The following NLGN1 variants were observed in gnomAD, a reference collection of about 807,000 sequenced individuals.
NLGN1 encodes the protein neuroligin-1.
A neutral mutation model predicts 65.5 loss-of-function variants in NLGN1; 12 were observed. The observed-to-expected ratio is 0.18, with a 90% confidence interval of 0.12 to 0.30. The LOEUF (loss-of-function observed/expected upper bound fraction) is 0.30. NLGN1 is among the 10% of genes least tolerant of loss of function. The probability of loss-of-function intolerance (pLI) is 1.00; values close to 1 mark genes in which losing one functional copy is unlikely to be tolerated. For synonymous variants in NLGN1, 350 were observed against 359.5 expected (o/e 0.97, Z 0.30); for missense variants, 750 against 1,007.1 (o/e 0.74, Z 3.46).
At chr3:173,445,233 A>C (rs1450768861) in intron 2 of NLGN1, among the ~76,000 whole-genome samples, 1 of 136,586 alleles carries the variant, frequency 7.3e-6, no homozygotes, top group Non-Finnish European at 1.5e-5. Flanking sequence ...CCGCCACTGC[A>C]CTCCAGCCTG....
intron 4 of NLGN1, among the ~76,000 whole-genome samples, chr3:174,149,828 T>A (rs1009987505): frequency 6.6e-6 from 1 of 152,070 alleles, no homozygotes; most frequent in Non-Finnish European, 1.5e-5. Context: ...GGTATTAAAT[T>A]GGTTTGAGAG....
intron 2 of NLGN1, among the ~76,000 whole-genome samples, chr3:173,486,698 T>A (rs1728224559): frequency 6.6e-6 from 1 of 152,174 alleles, no homozygotes. Flanking sequence ...GATTTGTTCT[T>A]TACTATTTTA....
At chr3:174,203,719 C>T (rs1043135050) in intron 4 of NLGN1, among the ~76,000 whole-genome samples, 1 of 152,150 alleles carries the variant, frequency 6.6e-6, no homozygotes, top group Non-Finnish European at 1.5e-5. Context: ...GTAATTGTAG[C>T]TCATAAAGCA....
chr3:174,039,061 G>A lies in NLGN1; in HGVS notation c.646+231229G>A, dbSNP rs951581404. 5.3e-5 allele frequency among the ~76,000 whole-genome samples: 8 copies of A among 152,040 alleles called. No individual in the cohort carries two copies. In the South Asian group the frequency reaches 8.3e-4, roughly 16 times the overall value. On this transcript the variant is annotated intron_variant, in intron 4 of 6. Transcript: ENST00000457714. ...TGCTCATTGAATATAAAAGCAATTC[G>A]CTTAGCGAGCTCTAATTTCACTTGA...
At chr3:174,266,187 T>G (rs1364135420) in intron 4 of NLGN1, among the ~76,000 whole-genome samples, 1 of 152,018 alleles carries the variant, frequency 6.6e-6, no homozygotes, top group Non-Finnish European at 1.5e-5. Flanking sequence ...CTGATAGTTT[T>G]TTCAATCTTC....
At chr3:173,693,526 T>G (rs1464522031) in intron 3 of NLGN1, among the ~76,000 whole-genome samples, 2 of 152,114 alleles carry the variant, frequency 1.3e-5, no homozygotes, top group Non-Finnish European at 2.9e-5. Context: ...TTGAAGAGAA[T>G]TTTCTTTACT....
chr3:173,846,596 A>G (rs1725838030), intron 4 of NLGN1, among the ~76,000 whole-genome samples: 1 of 152,200 alleles, frequency 6.6e-6, no homozygotes, highest in South Asian at 2.1e-4. Flanking sequence ...ATGATGTGCC[A>G]TCTGCTCCCT....
chr3:173,942,734 C>T (rs1033035605), intron 4 of NLGN1, among the ~76,000 whole-genome samples: 7 of 152,124 alleles, frequency 4.6e-5, no homozygotes, highest in South Asian at 2.1e-4. Flanking sequence ...ATGACAGCTT[C>T]AAATATTACC....
intron 4 of NLGN1, among the ~76,000 whole-genome samples, chr3:174,265,670 G>A (rs968102558): frequency 3.3e-5 from 5 of 151,394 alleles, no homozygotes; most frequent in African/African-American, 4.9e-5. Flanking sequence ...GCTGTAGACC[G>A]GAGCTGTTCC....
chr3:173,556,607 T>A (rs1045659307), intron 2 of NLGN1, among the ~76,000 whole-genome samples: 2 of 152,084 alleles, frequency 1.3e-5, no homozygotes, highest in African/African-American at 2.4e-5. Flanking sequence ...TTGAGCCTAT[T>A]CAAGACCAGC....
At chr3:173,590,306 T>C (rs1417387512) in intron 2 of NLGN1, among the ~76,000 whole-genome samples, 1 of 152,172 alleles carries the variant, frequency 6.6e-6, no homozygotes, top group Non-Finnish European at 1.5e-5. Context: ...CTTTTTCTTA[T>C]GGGTAGAAAA....
intron 1 of NLGN1, among the ~76,000 whole-genome samples, chr3:173,415,769 G>A (rs1381686725): frequency 1.3e-5 from 2 of 151,984 alleles, no homozygotes; most frequent in Non-Finnish European, 2.9e-5. Context: ...TGGATTCAGG[G>A]TATAGGCCTT....
intron 2 of NLGN1, among the ~76,000 whole-genome samples, chr3:173,493,619 A>G (rs1279705093): frequency 6.6e-6 from 1 of 151,884 alleles, no homozygotes; most frequent in Non-Finnish European, 1.5e-5. Context: ...CAGCAAACAC[A>G]TGGAAATAGT....
chr3:173,410,012 G>A (rs78131253), intron 1 of NLGN1, among the ~76,000 whole-genome samples: 1,550 of 152,122 alleles, frequency 0.01, 28 homozygotes, highest in African/African-American at 0.035. Context: ...AAGATAAGGG[G>A]GAAAACAACC....
At chr3:174,125,331 G>A (rs1475617876) in intron 4 of NLGN1, among the ~76,000 whole-genome samples, 1 of 152,026 alleles carries the variant, frequency 6.6e-6, no homozygotes, top group African/African-American at 2.4e-5. Context: ...AAAAGTTGAG[G>A]TTTGATTTAA....
chr3:173,879,940 G>T (rs2150919706), intron 4 of NLGN1, among the ~76,000 whole-genome samples: 1 of 152,162 alleles, frequency 6.6e-6, no homozygotes. Context: ...GAGCATCAGA[G>T]TATTATTTTG....
Position 173,650,574 on chromosome 3 carries a change from C to A in NLGN1, c.493+45483C>A, listed in dbSNP as rs573359787. ...ATCACATTGTGCATTAAATTTGTATCTTTGTGATAATGAGTGGTGTCTATA... is the reference window on the plus strand; with the variant it reads ...ATCACATTGTGCATTAAATTTGTATATTTGTGATAATGAGTGGTGTCTATA... On this transcript the variant is annotated intron_variant, in intron 3 of 6. Coordinates refer to ENST00000457714, the Ensembl canonical transcript of NLGN1. Among the ~76,000 whole-genome samples the A allele has an allele frequency of 3.9e-5, 6 of 152,178 alleles. No individual in the cohort carries two copies. In the South Asian group the frequency reaches 1.0e-3, roughly 26 times the overall value.
intron 4 of NLGN1, among the ~76,000 whole-genome samples, chr3:174,184,999 G>A (rs995001994): frequency 1.6e-4 from 25 of 151,910 alleles, no homozygotes; most frequent in African/African-American, 5.3e-4. Flanking sequence ...ATGCACAGCC[G>A]GGCCCTTGTA....
At chr3:173,727,259 G>A (rs763242859) in intron 3 of NLGN1, among the ~76,000 whole-genome samples, 11 of 152,058 alleles carry the variant, frequency 7.2e-5, no homozygotes, top group African/African-American at 1.2e-4. Flanking sequence ...TTAGTAAGTG[G>A]CAAGCTTAAA....
Sources: allele counts gnomAD v4.1 joint callset (sites outside exome capture counted in the v4.1 genomes callset), GRCh38; gene constraint gnomAD v4.1.1; transcripts MANE v1.5; gene names NCBI Gene and HGNC (gene_info 2026-07-23, HGNC 2026-07-21).